SLC38A3: variants seen among roughly 807,000 people sequenced by gnomAD.
The protein encoded by SLC38A3 is sodium-coupled neutral amino acid transporter 3.
Under a neutral mutation model 59.5 loss-of-function variants are expected in SLC38A3, and 17 were observed. The observed-to-expected ratio is 0.29, with a 90% CI of 0.20 to 0.43. The LOEUF (loss-of-function observed/expected upper bound fraction) is 0.43, where lower values mean the gene tolerates loss of function less well. Among genes scored for constraint, SLC38A3 ranks in the 20% least tolerant of loss-of-function variants. SLC38A3 has a pLI of 1.00. For synonymous variants in SLC38A3, 238 were observed against 260.3 expected (o/e 0.91, Z 0.82); for missense variants, 454 against 653.9 (o/e 0.69, Z 3.33).
In SLC38A3 at chr3:50,218,242, CAA is replaced by C; in HGVS notation, c.936-27_936-26del. 1 of 1,417,666 alleles carries C rather than the reference CAA, an allele frequency of 7.1e-7. No homozygotes were observed. Among genetic ancestry groups the C allele is most frequent in the Non-Finnish European group, 1.0e-6 (1 of 999,226 alleles). The allele number at this position is 1,417,666 out of a possible 1,614,324, so 87.8% of individuals were successfully genotyped here. The stretch of plus-strand genomic sequence containing the variant: ...CTCCCAATGTTACCCAGCTTGTCAC[CAA>C]CACCCACCCCCCCACTTCCCCACAG... On this transcript the variant is annotated intron_variant, in intron 11 of 15. Transcript: ENST00000614032. The surrounding 1 kb of genome is among the most constrained non-coding windows in gnomAD (Gnocchi z 5.8).
chr3:50,219,972 C>T lies in SLC38A3; in HGVS notation c.1398C>T (p.Thr466=), dbSNP rs1247083729. ...MPTEKEPARS[T]PKILALCFAM... ...CGGAGAAGGAGCCTGCAAGATCCACCCCCAAAATCCTGGTGCGAGGGGCCT... is the reference window on the plus strand; with the variant it reads ...CGGAGAAGGAGCCTGCAAGATCCACTCCCAAAATCCTGGTGCGAGGGGCCT... The change falls in exon 15 of 16, where the codon ACC becomes ACT. Residue 466 remains threonine, a synonymous_variant. Coordinates refer to ENST00000614032, the MANE Select transcript of SLC38A3 (RefSeq NM_006841.6). 2.5e-6 allele frequency: 4 copies of T among 1,612,316 alleles called. No individual in the cohort carries two copies. Among genetic ancestry groups the T allele is most frequent in the South Asian group, 1.1e-5 (1 of 90,594 alleles).
chr3:50,213,372 G>A (rs978260572), intron 1 of SLC38A3, among the ~76,000 whole-genome samples: 1 of 152,214 alleles, frequency 6.6e-6, no homozygotes, highest in Admixed American at 6.5e-5. Flanking sequence ...CCAGGACTGT[G>A]TGGAGGGTGA....
At chr3:50,219,608 A>T (rs1218950258) in intron 14 of SLC38A3, among the ~76,000 whole-genome samples, 1 of 152,216 alleles carries the variant, frequency 6.6e-6, no homozygotes, top group Non-Finnish European at 1.5e-5. Flanking sequence ...AATACCCTTA[A>T]GCCCTCATCT....
intron 1 of SLC38A3, among the ~76,000 whole-genome samples, chr3:50,207,182 G>A (rs1400878420): frequency 6.6e-6 from 1 of 152,268 alleles, no homozygotes; most frequent in Non-Finnish European, 1.5e-5. Flanking sequence ...GGAATGTGCA[G>A]TCTATGCTAT....
chr3:50,216,657 A>G (rs2109156493), intron 7 of SLC38A3, among the ~76,000 whole-genome samples: 1 of 152,366 alleles, frequency 6.6e-6, no homozygotes, highest in Admixed American at 6.5e-5. Flanking sequence ...GAAAAGCAAC[A>G]GCAGTGCCTA....
chr3:50,217,053 G>A lies in SLC38A3; in HGVS notation c.549-185G>A, dbSNP rs1559755418. 1.3e-5 allele frequency among the ~76,000 whole-genome samples: 2 copies of A among 152,336 alleles called. No individual in the cohort carries two copies. Among genetic ancestry groups the A allele is most frequent in the South Asian group, 4.1e-4 (2 of 4,824 alleles). On this transcript the variant is annotated intron_variant, in intron 7 of 15. Coordinates refer to ENST00000614032, the MANE Select transcript of SLC38A3 (RefSeq NM_006841.6). This position sits in a 1 kb window ranked among gnomAD's most constrained non-coding sequence, Gnocchi z 4.9. ...CTCCCAAAGTGCTGGGATTACAGGC[G>A]TGAACCACCGCGCCCAGCTGGGCAT...
At chr3:50,210,967 T>C (rs1265915913) in intron 1 of SLC38A3, among the ~76,000 whole-genome samples, 1 of 152,102 alleles carries the variant, frequency 6.6e-6, no homozygotes, top group African/African-American at 2.4e-5. Context: ...GGCTCCTCAC[T>C]CATCCCCAGC....
rs587613887 is a variant in SLC38A3 at position 50,220,279 on chromosome 3, G to A, written c.*102G>A. 2.9e-5 allele frequency: 25 copies of A among 871,368 alleles called. No homozygotes were observed. In the East Asian group the frequency reaches 3.4e-4, roughly 12 times the overall value. 54.0% of individuals were successfully genotyped at this position (871,368 alleles called of 1,614,324 possible). The stretch of plus-strand genomic sequence containing the variant: ...GCCAGTCGGGGGAGGAGAAAGACGC[G>A]ATTAACACTGTGGCATTCAGCCAGG... On this transcript the variant is annotated 3_prime_UTR_variant, in exon 16 of 16. Coordinates refer to ENST00000614032, the MANE Select transcript of SLC38A3 (RefSeq NM_006841.6).
At position 50,218,443 on chromosome 3, in the gene SLC38A3, C is replaced by T. The variant is rs774415252; in HGVS notation, c.1036+73C>T. ...GGGCTGGTTGTGGCCATGGTGCCCT[C>T]CATACCGAGGCGTGTGGTGCCTGGC... is the stretch of plus-strand genomic sequence containing the variant. On this transcript the variant is annotated intron_variant, in intron 12 of 15. Coordinates refer to ENST00000614032, the MANE Select transcript of SLC38A3 (RefSeq NM_006841.6). This position sits in a 1 kb window ranked among gnomAD's most constrained non-coding sequence, Gnocchi z 5.8. 1 of 1,522,962 alleles carries T rather than the reference C, an allele frequency of 6.6e-7. No homozygotes were observed. Among genetic ancestry groups the T allele is most frequent in the Non-Finnish European group, 9.1e-7 (1 of 1,098,258 alleles). 94.3% of individuals were successfully genotyped at this position (1,522,962 alleles called of 1,614,324 possible).
chr3:50,211,701 G>A (rs1235138941), intron 1 of SLC38A3, among the ~76,000 whole-genome samples: 1 of 148,714 alleles, frequency 6.7e-6, no homozygotes, highest in East Asian at 2.0e-4. Flanking sequence ...CAATTCTCCT[G>A]CCTCAGCCTC....
Position 50,215,500 on chromosome 3 carries a change from G to C in SLC38A3, c.373+41G>C. 1 of 1,613,294 alleles carries C rather than the reference G, an allele frequency of 6.2e-7. No homozygotes were observed. The highest frequency in any genetic ancestry group is 8.5e-7 in the Non-Finnish European group (1 of 1,179,240). ...GCCTGGAATGGGCGGGAGCTGGTGG[G>C]TAAACTGGGACAAGCTCCTGACTTC... On this transcript the variant is annotated intron_variant, in intron 5 of 15. Coordinates refer to ENST00000614032, the MANE Select transcript of SLC38A3 (RefSeq NM_006841.6). The surrounding 1 kb of genome is among the most constrained non-coding windows in gnomAD (Gnocchi z 7.1).
rs760351409 is a variant in SLC38A3, at chr3:50,215,648, G to C, written c.466+12G>C. On this transcript the variant is annotated intron_variant, in intron 6 of 15. Coordinates refer to ENST00000614032, the MANE Select transcript of SLC38A3 (RefSeq NM_006841.6). The surrounding 1 kb of genome is among the most constrained non-coding windows in gnomAD (Gnocchi z 7.1). ...CCAGAACATCGGAGGTAAGAGCAGT[G>C]GGCAGGGGCAGGCAGTAGGGAGGTG... 6.2e-7 allele frequency: 1 copy of C among 1,613,374 alleles called. No individual in the cohort carries two copies. The highest frequency in any genetic ancestry group is 2.2e-5 in the East Asian group (1 of 44,866).
chr3:50,209,236 A>AGCTT (rs555063999), intron 1 of SLC38A3, among the ~76,000 whole-genome samples: 169 of 152,010 alleles, frequency 1.1e-3, no homozygotes, highest in African/African-American at 3.9e-3. Flanking sequence ...TCGTGAACCA[A>AGCTT]GAGCTTCTGA....
At chr3:50,208,775 C>A (rs1459666953) in intron 1 of SLC38A3, among the ~76,000 whole-genome samples, 2 of 152,210 alleles carry the variant, frequency 1.3e-5, no homozygotes, top group African/African-American at 2.4e-5. Context: ...TCACCCTGGG[C>A]CGCTGCATCT....
intron 7 of SLC38A3, among the ~76,000 whole-genome samples, chr3:50,216,146 T>G (rs1360102367): frequency 6.6e-6 from 1 of 152,220 alleles, no homozygotes; most frequent in Non-Finnish European, 1.5e-5. Context: ...AAGCGCCTGC[T>G]ATTCCTGACC....
chr3:50,209,782 C>T (rs972875757), intron 1 of SLC38A3, among the ~76,000 whole-genome samples: 2 of 152,170 alleles, frequency 1.3e-5, no homozygotes, highest in Non-Finnish European at 2.9e-5. Flanking sequence ...GACCCTAGAT[C>T]CCAAGGCCAG....
intron 1 of SLC38A3, among the ~76,000 whole-genome samples, chr3:50,211,839 C>T (rs972170539): frequency 2.0e-5 from 3 of 152,152 alleles, no homozygotes; most frequent in African/African-American, 2.4e-5. Flanking sequence ...CTGCTCTCCT[C>T]GGCCTCCCAA....
In SLC38A3 at chr3:50,215,275, AC is replaced by A; in HGVS notation, c.300-108del. On this transcript the variant is annotated intron_variant, in intron 4 of 15. Transcript: ENST00000614032. The surrounding 1 kb of genome is among the most constrained non-coding windows in gnomAD (Gnocchi z 7.1). ...ATCCATACCTGTTGGGAGTCCAGACACCCAGGTCACAGACCCTCCACCCCCA... is the reference window on the plus strand; with the variant it reads ...ATCCATACCTGTTGGGAGTCCAGACACCAGGTCACAGACCCTCCACCCCCA... 1.1e-6 allele frequency: 1 copy of A among 902,464 alleles called. No homozygotes were observed. 55.9% of individuals were successfully genotyped at this position (902,464 alleles called of 1,614,324 possible). A position where few individuals can be genotyped will look rare whatever the true frequency, so the allele number is the denominator to read the frequency against.
chr3:50,214,249 A>G lies in SLC38A3; in HGVS notation c.50A>G (p.Lys17Arg). Residue 17 changes from lysine (K) to arginine (R), a missense_variant, in exon 2 of 16, where the codon AAA becomes AGA. Coordinates refer to ENST00000614032, the MANE Select transcript of SLC38A3 (RefSeq NM_006841.6). This position sits in a 1 kb window ranked among gnomAD's most constrained non-coding sequence, Gnocchi z 6.0. The part of the protein sequence containing the change: ...TEMVELVPNG[K>R]HSEGLLPVIT... Reference sequence around the variant, plus strand: ...ATGGTGGAGCTGGTGCCCAATGGCAAACACTCAGAGGGGCTGCTCCCGGTC... The same window carrying G: ...ATGGTGGAGCTGGTGCCCAATGGCAGACACTCAGAGGGGCTGCTCCCGGTC... The G allele has an allele frequency of 1.2e-6, 2 of 1,613,944 alleles. No homozygotes were observed. The highest frequency in any genetic ancestry group is 1.7e-6 in the Non-Finnish European group (2 of 1,179,848).
Sources: gnomAD v4.1 joint callset for allele counts (sites outside exome capture counted in the v4.1 genomes callset) on GRCh38, gnomAD v4.1.1 for gene constraint, Gnocchi (gnomAD v3.1) non-coding constraint, MANE v1.5 for transcripts, NCBI Gene and HGNC (gene_info 2026-07-23, HGNC 2026-07-21) for gene names.